GALNT10: variants seen among roughly 807,000 people sequenced by gnomAD.
GALNT10 encodes the protein polypeptide N-acetylgalactosaminyltransferase 10, also known as GalNAc transferase 10.
A neutral mutation model predicts 75.0 loss-of-function variants in GALNT10; 41 were observed. That is an observed-to-expected ratio of 0.55 (90% CI 0.43 to 0.71). GALNT10 has a LOEUF of 0.71. GALNT10 is among the 30% of genes least tolerant of loss of function. GALNT10 has a pLI of 0.00. For synonymous variants in GALNT10, 302 were observed against 313.0 expected (o/e 0.96, Z 0.37); for missense variants, 727 against 818.5 (o/e 0.89, Z 1.36).
At chr5:154,193,269 A>G (rs2113637068) in intron 1 of GALNT10, among the ~76,000 whole-genome samples, 1 of 152,354 alleles carries the variant, frequency 6.6e-6, no homozygotes, top group South Asian at 2.1e-4. Context: ...TAGGTGCTAC[A>G]GGATTCAGCA....
At chr5:154,359,009 C>T (rs1013851109) in intron 4 of GALNT10, among the ~76,000 whole-genome samples, 1 of 152,170 alleles carries the variant, frequency 6.6e-6, no homozygotes, top group African/African-American at 2.4e-5. Flanking sequence ...CCACAAGAGC[C>T]TTATTAATCA....
At chr5:154,192,425 T>C (rs1433654050) in intron 1 of GALNT10, among the ~76,000 whole-genome samples, 1 of 152,226 alleles carries the variant, frequency 6.6e-6, no homozygotes, top group Non-Finnish European at 1.5e-5. Flanking sequence ...TCTGTATCTG[T>C]ATGGATTTTC....
At position 154,217,881 on chromosome 5, in the gene GALNT10, T is replaced by C; in HGVS notation, c.159+26856T>C. The C allele has an allele frequency of 5.3e-6, 2 of 379,900 alleles. 1 individual carries two copies. The highest frequency in any genetic ancestry group is 2.1e-4 in the South Asian group (2 of 9,516). 23.5% of individuals were successfully genotyped at this position (379,900 alleles called of 1,614,324 possible). ...GTAAGAGCTCAAAAATAGCTATTAA[T>C]TTTTTGGTGTTTGGAGAGACTGTTG... On this transcript the variant is annotated intron_variant, in intron 1 of 11. Transcript: ENST00000297107.
In GALNT10 at chr5:154,190,897, G is replaced by A. The variant is rs1244919944; in HGVS notation, c.31G>A (p.Ala11Thr). The change falls in exon 1 of 12, where the codon GCG becomes ACG. Residue 11 changes from alanine (A) to threonine (T), a missense_variant. Coordinates refer to ENST00000297107, the MANE Select transcript of GALNT10 (RefSeq NM_198321.4). ...GCGGAAGGAGAAGCGGCTCCTGCAGGCGGTGGCGCTGGTGCTGGCGGCCCT... is the reference window on the plus strand; with the variant it reads ...GCGGAAGGAGAAGCGGCTCCTGCAGACGGTGGCGCTGGTGCTGGCGGCCCT... MRRKEKRLLQAVALVLAALVL... is the reference protein window; with the variant it reads MRRKEKRLLQTVALVLAALVL... 2 of 1,459,412 alleles carry A rather than the reference G, an allele frequency of 1.4e-6. No homozygotes were observed. The highest frequency in any genetic ancestry group is 1.8e-6 in the Non-Finnish European group (2 of 1,102,260). 90.4% of individuals were successfully genotyped at this position (1,459,412 alleles called of 1,614,324 possible).
intron 4 of GALNT10, among the ~76,000 whole-genome samples, chr5:154,350,071 A>G (rs153421): frequency 0.64 from 97,859 of 152,160 alleles, 31,947 homozygotes; most frequent in Admixed American, 0.75. Context: ...GGACAGCCCT[A>G]CTCTAGAGAC....
At chr5:154,359,568 G>C (rs961522586) in intron 4 of GALNT10, among the ~76,000 whole-genome samples, 2 of 146,066 alleles carry the variant, frequency 1.4e-5, no homozygotes, top group South Asian at 4.4e-4. Flanking sequence ...AGAGAGAAAA[G>C]AAAAAACACT....
At position 154,206,841 on chromosome 5, in the gene GALNT10, C is replaced by T. The variant is rs1256464299; in HGVS notation, c.159+15816C>T. Among the ~76,000 whole-genome samples the T allele has an allele frequency of 1.1e-4, 16 of 152,318 alleles. No homozygotes were observed. The East Asian group carries it at 2.9e-3, about 28-fold the overall frequency. ...AAGGAAGCCATGGATAGTTTTTGAG[C>T]AGAGGATGACTTGATCAGGGCTAGG... On this transcript the variant is annotated intron_variant, in intron 1 of 11. Coordinates refer to ENST00000297107, the MANE Select transcript of GALNT10 (RefSeq NM_198321.4).
intron 3 of GALNT10, among the ~76,000 whole-genome samples, chr5:154,299,342 A>G (rs1373172918): frequency 6.6e-6 from 1 of 152,232 alleles, no homozygotes; most frequent in Admixed American, 6.5e-5. Flanking sequence ...TATTTTAAGT[A>G]TATTAACTCA....
chr5:154,209,013 G>C (rs1319433037), intron 1 of GALNT10, among the ~76,000 whole-genome samples: 1 of 152,216 alleles, frequency 6.6e-6, no homozygotes, highest in Non-Finnish European at 1.5e-5. Flanking sequence ...GCCTGCTAGG[G>C]TGCTGGAGGA....
At chr5:154,302,411 G>A (rs935855394) in intron 3 of GALNT10, among the ~76,000 whole-genome samples, 1 of 152,234 alleles carries the variant, frequency 6.6e-6, no homozygotes, top group Non-Finnish European at 1.5e-5. Flanking sequence ...CTCCTGCCAA[G>A]TGAGCGTGAA....
chr5:154,190,842 G>A lies in GALNT10; in HGVS notation c.-25G>A, dbSNP rs1346656229. On this transcript the variant is annotated 5_prime_UTR_variant, in exon 1 of 12. Coordinates refer to ENST00000297107, the MANE Select transcript of GALNT10 (RefSeq NM_198321.4). ...GGGGGCGGCGCGGCGGGGCCGGCGGGGCGCGGCGGGGCTGACCGGCCCCGA... is the reference window on the plus strand; with the variant it reads ...GGGGGCGGCGCGGCGGGGCCGGCGGAGCGCGGCGGGGCTGACCGGCCCCGA... The A allele has an allele frequency of 1.0e-5, 12 of 1,167,142 alleles. No homozygotes were observed. Among genetic ancestry groups the A allele is most frequent in the Non-Finnish European group, 1.3e-5 (12 of 944,634 alleles). The allele number at this position is 1,167,142 out of a possible 1,614,324, so 72.3% of individuals were successfully genotyped here. A position where few individuals can be genotyped will look rare whatever the true frequency, so the allele number is the denominator to read the frequency against.
At chr5:154,258,420 A>T (rs1475304718) in intron 1 of GALNT10, among the ~76,000 whole-genome samples, 1 of 152,206 alleles carries the variant, frequency 6.6e-6, no homozygotes, top group Non-Finnish European at 1.5e-5. Context: ...ATCCACACAC[A>T]TATACCTAAA....
At chr5:154,261,227 G>A (rs1483003259) in intron 1 of GALNT10, among the ~76,000 whole-genome samples, 1 of 152,068 alleles carries the variant, frequency 6.6e-6, no homozygotes, top group Non-Finnish European at 1.5e-5. Context: ...GAAAGGAAGA[G>A]AGAAAGTTCT....
intron 1 of GALNT10, among the ~76,000 whole-genome samples, chr5:154,194,531 G>C (rs995011776): frequency 1.3e-5 from 2 of 152,148 alleles, no homozygotes. Context: ...GTCATTCTTG[G>C]CTTGCTGTCT....
intron 7 of GALNT10, among the ~76,000 whole-genome samples, chr5:154,401,501 G>A (rs1756161542): frequency 6.6e-6 from 1 of 152,210 alleles, no homozygotes; most frequent in Non-Finnish European, 1.5e-5. Context: ...GCTGGCGCCT[G>A]ATCAATATCT....
chr5:154,301,102 G>A lies in GALNT10; in HGVS notation c.401+3023G>A, dbSNP rs566016809. ...CAGAAAAAGAAACCTCTTTTTCATCGAAGAGTCCTGGGATCCACAGATGTG... is the reference window on the plus strand; with the variant it reads ...CAGAAAAAGAAACCTCTTTTTCATCAAAGAGTCCTGGGATCCACAGATGTG... On this transcript the variant is annotated intron_variant, in intron 3 of 11. Transcript: ENST00000297107. Among the ~76,000 whole-genome samples the A allele has an allele frequency of 5.9e-5, 9 of 152,274 alleles. No individual in the cohort carries two copies. The South Asian group carries it at 1.5e-3, about 25-fold the overall frequency.
chr5:154,263,293 G>C (rs577471), intron 1 of GALNT10, among the ~76,000 whole-genome samples: 1 of 151,992 alleles, frequency 6.6e-6, no homozygotes, highest in African/African-American at 2.4e-5. Flanking sequence ...TATATATACC[G>C]ACTGTGGAAT....
chr5:154,340,853 T>C (rs1042883724), intron 4 of GALNT10, among the ~76,000 whole-genome samples: 12 of 152,292 alleles, frequency 7.9e-5, no homozygotes, highest in Non-Finnish European at 1.6e-4. Context: ...CTACCAATTT[T>C]CATAGCCAAA....
chr5:154,318,138 C>T (rs566184069), intron 3 of GALNT10, among the ~76,000 whole-genome samples: 99 of 152,356 alleles, frequency 6.5e-4, no homozygotes, highest in Non-Finnish European at 7.2e-4. Flanking sequence ...AGGAATGAGT[C>T]AGCTCCACCC....
Sources: allele counts gnomAD v4.1 joint callset (sites outside exome capture counted in the v4.1 genomes callset), GRCh38; gene constraint gnomAD v4.1.1; transcripts MANE v1.5; gene names NCBI Gene and HGNC (gene_info 2026-07-23, HGNC 2026-07-21).